The following HEATR4 variants were observed in gnomAD, a reference collection of about 807,000 sequenced individuals.
The protein encoded by HEATR4 is HEAT repeat-containing protein 4.
In HEATR4, 95 loss-of-function variants were observed where a neutral mutation model predicts 108.8. The ratio of observed to expected loss-of-function variants is 0.87; its 90% CI spans 0.74 to 1.04. The LOEUF is 1.04. HEATR4 is among the 50% of genes least tolerant of loss of function. The pLI is 0.00. For synonymous variants in HEATR4, 443 were observed against 459.4 expected (o/e 0.96, Z 0.46); for missense variants, 1,152 against 1,253.8 (o/e 0.92, Z 1.23).
In HEATR4 at chr14:73,544,042, T is replaced by C. The variant is rs1300481483; in HGVS notation, c.-151-13798A>G. On this transcript the variant is annotated intron_variant, in intron 1 of 17. Transcript: ENST00000553558. ...GCGTGGTGGCTCACACCTGTAATCC[T>C]AGCACTTTGGGAGGCCAAGGTGCGC... 1.7e-5 allele frequency among the ~76,000 whole-genome samples: 2 copies of C among 114,566 alleles called. 1 individual carries two copies. Among genetic ancestry groups the C allele is most frequent in the Non-Finnish European group, 3.8e-5 (2 of 52,532 alleles). 75.2% of individuals were successfully genotyped at this position (114,566 alleles called of 152,430 possible). A position where few individuals can be genotyped will look rare whatever the true frequency, so the allele number is the denominator to read the frequency against.
At position 73,488,753 on chromosome 14, in the gene HEATR4, C is replaced by T. The variant is rs182187973; in HGVS notation, c.2844+4313G>A. Among the ~76,000 whole-genome samples the T allele has an allele frequency of 1.0e-3, 150 of 149,804 alleles. 1 individual carries two copies. Among genetic ancestry groups the T allele is most frequent in the African/African-American group, 3.6e-3 (147 of 40,926 alleles). ...ATGGTAAAGAGACAGTCGGGCACCG[C>T]GGCTCATGCCTGTAATCCCAGCACT... On this transcript the variant is annotated intron_variant, in intron 17 of 17. Transcript: ENST00000553558.
the HEATR4 span, chr14:73,580,825 C>CA: frequency 6.6e-6 from 1 of 151,876 alleles, no homozygotes; most frequent in Admixed American, 6.6e-5. Flanking sequence ...GGAGGTTCAG[C>CA]ACATTCTGAG....
At chr14:73,612,379 T>C in the HEATR4 span, 1 of 420,638 alleles carries the variant, frequency 2.4e-6, no homozygotes, top group Non-Finnish European at 4.1e-6. Context: ...AGATACTCTT[T>C]CATTTGGGAC....
the HEATR4 span, among the ~76,000 whole-genome samples, chr14:73,608,219 C>T: frequency 4.6e-5 from 7 of 152,268 alleles, no homozygotes; most frequent in African/African-American, 1.2e-4. Flanking sequence ...CACTGTGCCC[C>T]GCCAGGGTTT....
intron 17 of HEATR4, chr14:73,491,754 A>G: frequency 6.4e-7 from 1 of 1,560,970 alleles, no homozygotes; most frequent in African/African-American, 1.4e-5. Flanking sequence ...TCTACCGCTG[A>G]CCTGGATTCG....
chr14:73,488,568 C>T (rs1304267120), intron 17 of HEATR4, among the ~76,000 whole-genome samples: 1 of 151,760 alleles, frequency 6.6e-6, no homozygotes, highest in Non-Finnish European at 1.5e-5. Context: ...GCTTCCCCTT[C>T]ACCTTCCACC....
At chr14:73,518,937 C>T (rs1887802641) in intron 5 of HEATR4, 86 bp downstream of exon 5, 7 of 1,369,000 alleles carry the variant, frequency 5.1e-6, no homozygotes, top group Non-Finnish European at 7.0e-6. Flanking sequence ...GAACTGGGAG[C>T]TCTAGCACAT....
upstream of HEATR4, among the ~76,000 whole-genome samples, chr14:73,563,717 C>T (rs1889563381): frequency 6.6e-6 from 1 of 151,990 alleles, no homozygotes; most frequent in African/African-American, 2.4e-5. Flanking sequence ...AATTCTAGCG[C>T]TTTGGGAGGC....
chr14:73,490,088 C>G (rs1232381367), intron 17 of HEATR4, among the ~76,000 whole-genome samples: 2 of 152,194 alleles, frequency 1.3e-5, no homozygotes, highest in Admixed American at 1.3e-4. Flanking sequence ...AGTCAAGTAG[C>G]CATTTCTCCT....
chr14:73,509,844 ATATATATATATATATATATATATATT>A (rs1566832229), intron 7 of HEATR4, among the ~76,000 whole-genome samples: 1,405 of 70,694 alleles, frequency 0.02, 138 homozygotes, highest in African/African-American at 0.063. Context: ...ATATATATAT[ATATATATATATATATATATATATATT>A]TATTTATTTT....
At position 73,523,242 on chromosome 14, in the gene HEATR4, G is replaced by A. The variant is rs1433056710; in HGVS notation, c.-72-18C>T. 1 of 1,305,982 alleles carries A rather than the reference G, an allele frequency of 7.7e-7. No homozygotes were observed. The highest frequency in any genetic ancestry group is 2.5e-5 in the Admixed American group (1 of 39,530). The allele number at this position is 1,305,982 out of a possible 1,614,324, so 80.9% of individuals were successfully genotyped here. A position where few individuals can be genotyped will look rare whatever the true frequency, so the allele number is the denominator to read the frequency against. ...CCTGGCACCTGTTAAGGGAATGGGA[G>A]GAACTGATGAGAACTCTAGAGCAGC... On this transcript the variant is annotated intron_variant, in intron 2 of 17. Coordinates refer to ENST00000553558, the MANE Select transcript of HEATR4 (RefSeq NM_001220484.1).
rs1889373207 is a variant in HEATR4, at chr14:73,554,917, C to T, written c.-152+3834G>A. On this transcript the variant is annotated intron_variant, in intron 1 of 17. Coordinates refer to ENST00000553558, the MANE Select transcript of HEATR4 (RefSeq NM_001220484.1). ...GAAATTTGAAAAATAGCAAAGAAGA[C>T]TGGATTTGGAAAGCATGGTCTACAA... Among the ~76,000 whole-genome samples the T allele has an allele frequency of 1.8e-5, 2 of 112,802 alleles. 1 individual carries two copies. Among genetic ancestry groups the T allele is most frequent in the South Asian group, 5.6e-4 (2 of 3,602 alleles). 74.0% of individuals were successfully genotyped at this position (112,802 alleles called of 152,430 possible).
the HEATR4 span, chr14:73,616,807 G>A: frequency 1.9e-6 from 1 of 516,142 alleles, no homozygotes; most frequent in Non-Finnish European, 3.4e-6. Context: ...CGCCTGAGTA[G>A]TATACATTGT....
chr14:73,632,011 G>T, the HEATR4 span: 596 of 155,434 alleles, frequency 3.8e-3, 2 homozygotes, highest in African/African-American at 0.014. Flanking sequence ...TGAGCCAGTG[G>T]TTGACTATGG....
At chr14:73,600,108 G>A in the HEATR4 span, among the ~76,000 whole-genome samples, 8 of 151,968 alleles carry the variant, frequency 5.3e-5, no homozygotes, top group African/African-American at 1.9e-4. Context: ...TAATACAATG[G>A]TGGGAGAAGT....
In HEATR4 at chr14:73,520,933, T is replaced by A. The variant is rs1317378975; in HGVS notation, c.988A>T (p.Ser330Cys). The A allele has an allele frequency of 1.2e-6, 2 of 1,613,834 alleles. No homozygotes were observed. Among genetic ancestry groups the A allele is most frequent in the Admixed American group, 1.7e-5 (1 of 59,952 alleles). Residue 330 changes from serine (S) to cysteine (C), a missense_variant, in exon 4 of 18, where the codon AGC becomes TGC. Transcript: ENST00000553558. Reference sequence around the variant, plus strand: ...CGGGGAGTCACCTGGCGAAAGTAGCTCTGGGTTTGGGGCTGGGAGAGGCTC... The same window carrying A: ...CGGGGAGTCACCTGGCGAAAGTAGCACTGGGTTTGGGGCTGGGAGAGGCTC... ...KTSLSQPQTQ[S>C]YFRQVTPRAG...
the HEATR4 span, chr14:73,619,295 T>A: frequency 8.1e-6 from 13 of 1,612,452 alleles, no homozygotes; most frequent in East Asian, 2.7e-4. Context: ...TGTCTCTCAA[T>A]GGCTTCTTTC....
chr14:73,509,809 CCCATATATATAT>C (rs1227179964), intron 7 of HEATR4, among the ~76,000 whole-genome samples: 12 of 5,190 alleles, frequency 2.3e-3, no homozygotes, highest in Non-Finnish European at 2.9e-3. Context: ...GCCCCATGAG[CCCATATATATAT>C]ATATATATAT....
At position 73,485,765 on chromosome 14, in the gene HEATR4, C is replaced by T. The variant is rs1595076572; in HGVS notation, c.2845-6923G>A. On this transcript the variant is annotated intron_variant, in intron 17 of 17. Coordinates refer to ENST00000553558, the MANE Select transcript of HEATR4 (RefSeq NM_001220484.1). ...GCACATGCCTGTAATCCAAGCTACT[C>T]AGGTGAGGCACAAGAATCGCTTGAA... 7.9e-5 allele frequency among the ~76,000 whole-genome samples: 12 copies of T among 151,904 alleles called. 2 individuals carry two copies. In the South Asian group the frequency reaches 2.5e-3, roughly 32 times the overall value.
Sources: allele counts gnomAD v4.1 joint callset (sites outside exome capture counted in the v4.1 genomes callset), GRCh38; gene constraint gnomAD v4.1.1; transcripts MANE v1.5; gene names NCBI Gene and HGNC (gene_info 2026-07-23, HGNC 2026-07-21).